FBXO41: variants seen among roughly 807,000 people sequenced by gnomAD.
FBXO41 encodes the protein F-box only protein 41.
FBXO41 carries 33 observed loss-of-function variants against 81.6 expected under a neutral mutation model. That is an observed-to-expected ratio of 0.40 (90% confidence interval 0.31 to 0.54). The LOEUF (loss-of-function observed/expected upper bound fraction) is 0.54. Among genes scored for constraint, FBXO41 ranks in the 20% least tolerant of loss-of-function variants. The pLI is 0.39. For missense variants in FBXO41, 1,107 were observed against 1,236.0 expected (o/e 0.90, Z 1.56); for synonymous variants, 576 against 552.7 (o/e 1.04, Z -0.59).
chr2:73,276,969 G>C (rs1469889523), intron 1 of FBXO41, among the ~76,000 whole-genome samples: 2 of 152,186 alleles, frequency 1.3e-5, no homozygotes, highest in African/African-American at 4.8e-5. Context: ...TCCTAACTAA[G>C]TGCTGGTCCT....
Position 73,260,630 on chromosome 2 carries a change from C to T in FBXO41, c.2291-83G>A, listed in dbSNP as rs1165146397. The T allele has an allele frequency of 3.3e-6, 5 of 1,536,400 alleles. No individual in the cohort carries two copies. Among genetic ancestry groups the T allele is most frequent in the Middle Eastern group, 3.8e-4 (2 of 5,216 alleles). On this transcript the variant is annotated intron_variant, in intron 10 of 12. Coordinates refer to ENST00000520530, the MANE Select transcript of FBXO41 (RefSeq NM_001371389.2). This position sits in a 1 kb window ranked among gnomAD's most constrained non-coding sequence, Gnocchi z 5.0. ...CAGCACCCTGGCTACCACCCTGCCA[C>T]CTGCCACCACCCAGGCTGCAGCCCC...
chr2:73,261,890 C>G (rs1574377003), intron 9 of FBXO41, among the ~76,000 whole-genome samples: 1 of 152,202 alleles, frequency 6.6e-6, no homozygotes, highest in Non-Finnish European at 1.5e-5. Flanking sequence ...GCCTTGAGAA[C>G]AACCCATCTG....
intron 9 of FBXO41, 71 bp downstream of exon 9, chr2:73,263,142 G>T (rs970762515): frequency 3.2e-6 from 4 of 1,235,786 alleles, no homozygotes; most frequent in Non-Finnish European, 4.6e-6. Flanking sequence ...GCTCAGATCT[G>T]CTAAGTCCTC....
intron 1 of FBXO41, among the ~76,000 whole-genome samples, chr2:73,276,966 T>C (rs886889075): frequency 2.0e-5 from 3 of 152,226 alleles, no homozygotes; most frequent in Non-Finnish European, 4.4e-5. Context: ...TCATCCTAAC[T>C]AAGTGCTGGT....
intron 2 of FBXO41, 63 bp downstream of exon 2, chr2:73,268,663 G>A (rs1196292975): frequency 1.4e-6 from 2 of 1,420,578 alleles, no homozygotes; most frequent in Non-Finnish European, 1.9e-6. Flanking sequence ...GCCCACGGTG[G>A]TGGTGGTGGC....
Position 73,260,342 on chromosome 2 carries a change from G to T in FBXO41, c.2449+47C>A, listed in dbSNP as rs760716851. 9 of 1,581,894 alleles carry T rather than the reference G, an allele frequency of 5.7e-6. No individual in the cohort carries two copies. Among genetic ancestry groups the T allele is most frequent in the Non-Finnish European group, 7.8e-6 (9 of 1,160,126 alleles). Reference sequence around the variant, plus strand: ...TTAGGATACCTGCTGACAGGGCCCCGTGGCAGGTGATAGTCGTACCCTGCC... The same window carrying T: ...TTAGGATACCTGCTGACAGGGCCCCTTGGCAGGTGATAGTCGTACCCTGCC... On this transcript the variant is annotated intron_variant, in intron 11 of 12. Coordinates refer to ENST00000520530, the MANE Select transcript of FBXO41 (RefSeq NM_001371389.2). The surrounding 1 kb of genome is among the most constrained non-coding windows in gnomAD (Gnocchi z 5.0).
In FBXO41 at chr2:73,284,272, C is replaced by T. The variant is rs1688931901; in HGVS notation, c.-251G>A. 1 of 152,160 alleles carries T rather than the reference C, an allele frequency of 6.6e-6. No homozygotes were observed. The highest frequency in any genetic ancestry group is 2.4e-5 in the African/African-American group (1 of 41,440). The allele number at this position is 152,160 out of a possible 1,614,324, so 9.4% of individuals were successfully genotyped here. Reference sequence around the variant, plus strand: ...CGCCTTGGGGCCTCGGATCTCGTTCCCCTCCGCAGCCTTGGGTGGCCGCCG... The same window carrying T: ...CGCCTTGGGGCCTCGGATCTCGTTCTCCTCCGCAGCCTTGGGTGGCCGCCG... On this transcript the variant is annotated 5_prime_UTR_variant, in exon 1 of 13. Coordinates refer to ENST00000520530, the MANE Select transcript of FBXO41 (RefSeq NM_001371389.2). This position sits in a 1 kb window ranked among gnomAD's most constrained non-coding sequence, Gnocchi z 7.4.
At position 73,268,989 on chromosome 2, in the gene FBXO41, C is replaced by T; in HGVS notation, c.642G>A (p.Glu214=). The change falls in exon 2 of 13, where the codon GAG becomes GAA. Residue 214 remains glutamate (E), a synonymous_variant. Coordinates refer to ENST00000520530, the MANE Select transcript of FBXO41 (RefSeq NM_001371389.2). ...RLKIRALEKL[E]VDRRLERLSE... ...TCAGCCGCTCCAGCCGCCGGTCCAC[C>T]TCCAGCTTCTCCAGCGCGCGGATCT... 6.5e-7 allele frequency: 1 copy of T among 1,538,830 alleles called. No homozygotes were observed. The highest frequency in any genetic ancestry group is 8.7e-7 in the Non-Finnish European group (1 of 1,146,430).
At chr2:73,265,662 A>G (rs892392513) in intron 4 of FBXO41, 22 bp from the exon 5 acceptor site, 41 of 1,484,780 alleles carry the variant, frequency 2.8e-5, no homozygotes, top group Non-Finnish European at 3.5e-5. Flanking sequence ...TGGACCACAC[A>G]GTAAGGGGTA....
chr2:73,255,986 T>A lies in FBXO41; in HGVS notation c.*2996A>T, dbSNP rs1404123914. The A allele has an allele frequency of 2.0e-5, 3 of 152,212 alleles. No homozygotes were observed. The East Asian group carries it at 5.8e-4, about 29-fold the overall frequency. 9.4% of individuals were successfully genotyped at this position (152,212 alleles called of 1,614,324 possible). A position where few individuals can be genotyped will look rare whatever the true frequency, so the allele number is the denominator to read the frequency against. ...TTATTCCTGCAGGGATGCATATAAGTGCACCTTCATTTCCTGCCGGTGCTG... is the reference window on the plus strand; with the variant it reads ...TTATTCCTGCAGGGATGCATATAAGAGCACCTTCATTTCCTGCCGGTGCTG... On this transcript the variant is annotated 3_prime_UTR_variant, in exon 13 of 13. Coordinates refer to ENST00000520530, the MANE Select transcript of FBXO41 (RefSeq NM_001371389.2).
chr2:73,269,958 G>A lies in FBXO41; in HGVS notation c.-138-190C>T, dbSNP rs1489014079. Among the ~76,000 whole-genome samples, 1 of 152,146 alleles carries A rather than the reference G, an allele frequency of 6.6e-6. No individual in the cohort carries two copies. Among genetic ancestry groups the A allele is most frequent in the Non-Finnish European group, 1.5e-5 (1 of 68,026 alleles). ...TGTGTGCAAGAGACAGCGAGAGAAT[G>A]AGATAATCTGTTTTTAAAGGGGCAG... On this transcript the variant is annotated intron_variant, in intron 1 of 12. Coordinates refer to ENST00000520530, the MANE Select transcript of FBXO41 (RefSeq NM_001371389.2). This position sits in a 1 kb window ranked among gnomAD's most constrained non-coding sequence, Gnocchi z 7.0.
chr2:73,276,559 T>TGAGAGAGA (rs1688685941), intron 1 of FBXO41, among the ~76,000 whole-genome samples: 1 of 75,746 alleles, frequency 1.3e-5, no homozygotes, highest in African/African-American at 4.6e-5. Context: ...GCAAATCTAT[T>TGAGAGAGA]CAGAGAGAGA....
chr2:73,279,715 G>A (rs1429977546), intron 1 of FBXO41, among the ~76,000 whole-genome samples: 2 of 152,208 alleles, frequency 1.3e-5, no homozygotes, highest in African/African-American at 4.8e-5. Context: ...AGGAGACAAT[G>A]AGTGAATACA....
chr2:73,278,777 A>T (rs6546815), intron 1 of FBXO41, among the ~76,000 whole-genome samples: 43,494 of 152,126 alleles, frequency 0.29, 8,652 homozygotes, highest in African/African-American at 0.55. Flanking sequence ...AAGAAAGACA[A>T]TCGGAGCACA....
In FBXO41 at chr2:73,258,848, C is replaced by A. The variant is rs759473513; in HGVS notation, c.*134G>T. 24 of 984,274 alleles carry A rather than the reference C, an allele frequency of 2.4e-5. No homozygotes were observed. Among genetic ancestry groups the A allele is most frequent in the Non-Finnish European group, 3.5e-5 (24 of 684,666 alleles). The allele number at this position is 984,274 out of a possible 1,614,324, so 61.0% of individuals were successfully genotyped here. A position where few individuals can be genotyped will look rare whatever the true frequency, so the allele number is the denominator to read the frequency against. On this transcript the variant is annotated 3_prime_UTR_variant, in exon 13 of 13. Coordinates refer to ENST00000520530, the MANE Select transcript of FBXO41 (RefSeq NM_001371389.2). ...GCTGCTCCAGGAGGAGGACAGGAGA[C>A]TTGACAGTCCCCCTCCAGAAGCCAG...
chr2:73,266,584 C>T lies in FBXO41; in HGVS notation c.1004G>A (p.Arg335Gln), dbSNP rs1444261502. ...CAGCTGCCGCTCGGCACGGTCAGCCCGCTCAAGGAGCTCCTCAATGAACTG... is the reference window on the plus strand; with the variant it reads ...CAGCTGCCGCTCGGCACGGTCAGCCTGCTCAAGGAGCTCCTCAATGAACTG... Reference protein sequence around the residue: ...LQQFIEELLERADRAERQLQV... With the variant: ...LQQFIEELLEQADRAERQLQV... The change falls in exon 3 of 13, where the codon CGG becomes CAG. Residue 335 changes from arginine to glutamine, a missense_variant. Physicochemically the swap from Arg to Gln is conservative, Grantham distance 43. Transcript: ENST00000520530. This position sits in a 1 kb window ranked among gnomAD's most constrained non-coding sequence, Gnocchi z 5.3. The T allele has an allele frequency of 5.0e-6, 8 of 1,611,056 alleles. No individual in the cohort carries two copies. Among genetic ancestry groups the T allele is most frequent in the African/African-American group, 1.3e-5 (1 of 74,848 alleles).
In FBXO41 at chr2:73,269,200, C is replaced by G. The variant is rs1688398746; in HGVS notation, c.431G>C (p.Arg144Pro). Residue 144 changes from arginine to proline, a missense_variant, in exon 2 of 13, where the codon CGC (arginine) becomes CCC (proline). Physicochemically the swap from Arg to Pro is moderately radical, Grantham distance 103. Coordinates refer to ENST00000520530, the MANE Select transcript of FBXO41 (RefSeq NM_001371389.2). The surrounding 1 kb of genome is among the most constrained non-coding windows in gnomAD (Gnocchi z 7.0). ...GATCTCGATCTCGCGCAGCGCATAG[C>G]GCGCTGCTGCGGCGGGCACAAGGCC... ...EPGLVPAAAARYALREIEIPL... is the reference protein window; with the variant it reads ...EPGLVPAAAAPYALREIEIPL... 1 of 1,525,780 alleles carries G rather than the reference C, an allele frequency of 6.6e-7. No homozygotes were observed. The highest frequency in any genetic ancestry group is 8.8e-7 in the Non-Finnish European group (1 of 1,139,082). 94.5% of individuals were successfully genotyped at this position (1,525,780 alleles called of 1,614,324 possible).
chr2:73,263,182 C>A (rs771856434), intron 9 of FBXO41, 31 bp downstream of exon 9: 9 of 1,538,474 alleles, frequency 5.8e-6, no homozygotes, highest in Middle Eastern at 1.7e-4. Context: ...CCGTGTCCCC[C>A]CTCCTATCCC....
chr2:73,266,465 C>A lies in FBXO41; in HGVS notation c.1123G>T (p.Gly375Cys). 6.6e-7 allele frequency: 1 copy of A among 1,513,994 alleles called. No homozygotes were observed. The highest frequency in any genetic ancestry group is 8.9e-7 in the Non-Finnish European group (1 of 1,124,154). 93.8% of individuals were successfully genotyped at this position (1,513,994 alleles called of 1,614,324 possible). A position where few individuals can be genotyped will look rare whatever the true frequency, so the allele number is the denominator to read the frequency against. ...GGAGPNARGP[G>C]RMREHHVGPA... The stretch of plus-strand genomic sequence containing the variant: ...GGCAGGTGGGCACTCACCATTCTGC[C>A]TGGGCCCCGGGCATTGGGTCCAGCA... The change falls in exon 3 of 13, where the codon GGC (glycine) becomes TGC (cysteine). Residue 375 changes from glycine to cysteine, a missense_variant. Gly to Cys is a radical substitution (Grantham distance 159, BLOSUM62 -3). Around this residue, in one of 2 missense-constraint regions of FBXO41, gnomAD observed 771 missense variants for 789.2 expected, o/e 0.98. Coordinates refer to ENST00000520530, the MANE Select transcript of FBXO41 (RefSeq NM_001371389.2). This position sits in a 1 kb window ranked among gnomAD's most constrained non-coding sequence, Gnocchi z 5.3.
Sources: allele counts gnomAD v4.1 joint callset (sites outside exome capture counted in the v4.1 genomes callset), GRCh38; gene constraint gnomAD v4.1.1; regional missense constraint gnomAD v4.1.1; non-coding constraint Gnocchi (gnomAD v3.1); transcripts MANE v1.5; gene names NCBI Gene and HGNC (gene_info 2026-07-23, HGNC 2026-07-21).